Variants in NSL1 observed in about 807,000 individuals in gnomAD.
NSL1 encodes kinetochore-associated protein NSL1 homolog.
In NSL1, 11 loss-of-function variants were observed where a neutral mutation model predicts 25.4. The ratio of observed to expected loss-of-function variants is 0.43; its 90% CI spans 0.27 to 0.72. NSL1 has a LOEUF of 0.72. Ranked by LOEUF, NSL1 falls within the 30% of genes least tolerant of loss-of-function variation. NSL1 has a pLI of 0.19. For missense variants in NSL1, 330 were observed against 342.7 expected (o/e 0.96, Z 0.29); for synonymous variants, 118 against 120.6 (o/e 0.98, Z 0.14).
Position 212,769,306 on chromosome 1 carries a change from A to G in NSL1, c.499+13066T>C, listed in dbSNP as rs533047239. 1.8e-3 allele frequency among the ~76,000 whole-genome samples: 271 copies of G among 152,320 alleles called. 2 individuals are homozygous for G. Among genetic ancestry groups the G allele is most frequent in the African/African-American group, 5.9e-3 (244 of 41,564 alleles). Reference sequence around the variant, plus strand: ...ATTGAATCCCAAAAGGTCTTCACCAAGGCACATTATACTCAAACTATCAAA... The same window carrying G: ...ATTGAATCCCAAAAGGTCTTCACCAGGGCACATTATACTCAAACTATCAAA... On this transcript the variant is annotated intron_variant, in intron 4 of 5. Coordinates refer to ENST00000366977, the MANE Select transcript of NSL1 (RefSeq NM_015471.4).
rs777052581 is a variant in NSL1 at position 212,739,562 on chromosome 1, A to G, written c.539T>C (p.Val180Ala). The G allele has an allele frequency of 1.9e-6, 3 of 1,613,614 alleles. No homozygotes were observed. The highest frequency in any genetic ancestry group is 2.5e-6 in the Non-Finnish European group (3 of 1,179,716). The part of the protein sequence containing the change: ...MENLKCRGET[V>A]AKEISEAMKS... ...CATGGCTTCACTGATCTCCTTTGCT[A>G]CTGTTTCCCCTCTGCATTTCAAATT... Residue 180 changes from valine to alanine, a missense_variant, in exon 5 of 6, where the codon GTA (valine) becomes GCA (alanine). Physicochemically the swap from Val to Ala is moderately conservative, Grantham distance 64. Transcript: ENST00000366977.
At chr1:212,757,398 A>C (rs1659365184) in intron 4 of NSL1, among the ~76,000 whole-genome samples, 1 of 152,210 alleles carries the variant, frequency 6.6e-6, no homozygotes. Context: ...ACTGGATGGA[A>C]GGAGACCAGG....
rs1370070972 is a variant in NSL1 at position 212,738,096 on chromosome 1, A to G, written c.*312T>C. ...GAATTTGTTACTTGTTAAATCCCAC[A>G]AAAGCTACAAGGGAGCTGAGAGTTG... On this transcript the variant is annotated 3_prime_UTR_variant, in exon 6 of 6. Transcript: ENST00000366977. 1 of 1,034,884 alleles carries G rather than the reference A, an allele frequency of 9.7e-7. No individual in the cohort carries two copies. Among genetic ancestry groups the G allele is most frequent in the Non-Finnish European group, 1.2e-6 (1 of 862,294 alleles). 64.1% of individuals were successfully genotyped at this position (1,034,884 alleles called of 1,614,324 possible).
At chr1:212,763,550 T>G (rs1365721269) in intron 4 of NSL1, among the ~76,000 whole-genome samples, 1 of 152,004 alleles carries the variant, frequency 6.6e-6, no homozygotes, top group Admixed American at 6.5e-5. Context: ...TCACCTAACA[T>G]ATAAGGACTC....
At chr1:212,752,230 G>T in intron 4 of NSL1, among the ~76,000 whole-genome samples, 1 of 152,258 alleles carries the variant, frequency 6.6e-6, no homozygotes, top group African/African-American at 2.4e-5. Flanking sequence ...CCTGTAAAGG[G>T]TTGCCTAGAA....
At chr1:212,777,281 G>A (rs1458402821) in intron 4 of NSL1, among the ~76,000 whole-genome samples, 1 of 152,024 alleles carries the variant, frequency 6.6e-6, no homozygotes, top group Admixed American at 6.6e-5. Context: ...GGAGGTTGAG[G>A]CTGGAAGATC....
Position 212,730,785 on chromosome 1 carries a change from C to T in NSL1, c.*7623G>A, listed in dbSNP as rs1257914239. Reference sequence around the variant, plus strand: ...GACAGGAGACTCTGGAGTCCTAATTCAGGTCAGTTTCCCAGTGATCTGTCC... The same window carrying T: ...GACAGGAGACTCTGGAGTCCTAATTTAGGTCAGTTTCCCAGTGATCTGTCC... On this transcript the variant is annotated 3_prime_UTR_variant, in exon 6 of 6. Coordinates refer to ENST00000366977, the MANE Select transcript of NSL1 (RefSeq NM_015471.4). 2.0e-6 allele frequency: 2 copies of T among 985,402 alleles called. No individual in the cohort carries two copies. Among genetic ancestry groups the T allele is most frequent in the Non-Finnish European group, 2.4e-6 (2 of 829,940 alleles). 61.0% of individuals were successfully genotyped at this position (985,402 alleles called of 1,614,324 possible). A position where few individuals can be genotyped will look rare whatever the true frequency, so the allele number is the denominator to read the frequency against.
At chr1:212,754,764 T>G (rs1399018959) in intron 4 of NSL1, among the ~76,000 whole-genome samples, 1 of 20,536 alleles carries the variant, frequency 4.9e-5, no homozygotes, top group East Asian at 8.0e-4. Context: ...AGTAAAATTC[T>G]GTCTCAAAAA....
At position 212,752,602 on chromosome 1, in the gene NSL1, G is replaced by A. The variant is rs139741242; in HGVS notation, c.500-13001C>T. 2.0e-5 allele frequency among the ~76,000 whole-genome samples: 3 copies of A among 152,160 alleles called. No homozygotes were observed. The South Asian group carries it at 6.2e-4, about 32-fold the overall frequency. On this transcript the variant is annotated intron_variant, in intron 4 of 5. Coordinates refer to ENST00000366977, the MANE Select transcript of NSL1 (RefSeq NM_015471.4). ...TGGAAGCAATTATTCATTACAACAG[G>A]ATTATAAAAGGTTGTAAATGTCAAA...
intron 4 of NSL1, among the ~76,000 whole-genome samples, chr1:212,741,335 A>C (rs548157538): frequency 6.6e-6 from 1 of 152,204 alleles, no homozygotes; most frequent in Non-Finnish European, 1.5e-5. Flanking sequence ...TTTATGATGT[A>C]TCTTCCATGG....
Position 212,734,157 on chromosome 1 carries a change from C to G in NSL1, c.*4251G>C, listed in dbSNP as rs368181629. Among the ~76,000 whole-genome samples, 152 of 152,236 alleles carry G rather than the reference C, an allele frequency of 1.0e-3. 1 individual carries two copies. Among genetic ancestry groups the G allele is most frequent in the South Asian group, 9.9e-3 (48 of 4,826 alleles). Reference sequence around the variant, plus strand: ...TGATTTTCTCTTCTTTCTGGGAGTACAGTCATCATTCTGGGATTTTGCTTT... The same window carrying G: ...TGATTTTCTCTTCTTTCTGGGAGTAGAGTCATCATTCTGGGATTTTGCTTT... On this transcript the variant is annotated 3_prime_UTR_variant, in exon 6 of 6. Coordinates refer to ENST00000366977, the MANE Select transcript of NSL1 (RefSeq NM_015471.4).
chr1:212,774,971 G>A (rs1660289399), intron 4 of NSL1, among the ~76,000 whole-genome samples: 1 of 151,720 alleles, frequency 6.6e-6, no homozygotes, highest in African/African-American at 2.4e-5. Context: ...GTGACAAGAA[G>A]AAAAGTTTTT....
At chr1:212,751,946 T>C (rs1014008065) in intron 4 of NSL1, among the ~76,000 whole-genome samples, 4 of 152,188 alleles carry the variant, frequency 2.6e-5, no homozygotes, top group Admixed American at 6.6e-5. Flanking sequence ...GACTTAAGAC[T>C]GTCTCACATG....
Position 212,729,275 on chromosome 1 carries a change from C to T in NSL1, c.*9133G>A, listed in dbSNP as rs150850679. The T allele has an allele frequency of 2.0e-6, 2 of 985,434 alleles. No homozygotes were observed. Among genetic ancestry groups the T allele is most frequent in the African/African-American group, 3.5e-5 (2 of 57,370 alleles). 61.0% of individuals were successfully genotyped at this position (985,434 alleles called of 1,614,324 possible). On this transcript the variant is annotated 3_prime_UTR_variant, in exon 6 of 6. Transcript: ENST00000366977. ...CTCCTAGCCTCTCCCTCAGCTCCCT[C>T]TTTTCCCTCTAATGGATCCCTAGAT...
At chr1:212,783,813 C>T (rs1660823614) in intron 3 of NSL1, among the ~76,000 whole-genome samples, 1 of 152,102 alleles carries the variant, frequency 6.6e-6, no homozygotes, top group African/African-American at 2.4e-5. Context: ...TACGGCTCTG[C>T]TTGTCTAAAA....
intron 4 of NSL1, among the ~76,000 whole-genome samples, chr1:212,751,570 T>C (rs1184663690): frequency 6.6e-6 from 1 of 152,210 alleles, no homozygotes; most frequent in Non-Finnish European, 1.5e-5. Context: ...TTGTGCCTGG[T>C]AAAGAACTAA....
intron 4 of NSL1, among the ~76,000 whole-genome samples, chr1:212,767,089 A>G (rs1659855710): frequency 2.0e-5 from 3 of 152,182 alleles, no homozygotes; most frequent in South Asian, 4.1e-4. Flanking sequence ...TAGAAAAAAC[A>G]ATCCTAAAAT....
At chr1:212,755,752 T>C in intron 4 of NSL1, among the ~76,000 whole-genome samples, 1 of 151,780 alleles carries the variant, frequency 6.6e-6, no homozygotes, top group Middle Eastern at 3.4e-3. Context: ...TATGAATATG[T>C]ATATATTTTC....
In NSL1 at chr1:212,726,983, G is replaced by T. The variant is rs1031121177; in HGVS notation, c.*11425C>A. 5.7e-5 allele frequency: 44 copies of T among 774,748 alleles called. No homozygotes were observed. The Middle Eastern group carries it at 1.5e-3, about 27-fold the overall frequency. The allele number at this position is 774,748 out of a possible 1,614,324, so 48.0% of individuals were successfully genotyped here. On this transcript the variant is annotated 3_prime_UTR_variant, in exon 6 of 6. Transcript: ENST00000366977. The stretch of plus-strand genomic sequence containing the variant: ...GAGCACAGGGAGAGTGTGCTTCCTG[G>T]CTGTGTCCTCTCAGAGGCCCTCCAG...
Sources: allele counts gnomAD v4.1 joint callset (sites outside exome capture counted in the v4.1 genomes callset), GRCh38; gene constraint gnomAD v4.1.1; transcripts MANE v1.5; gene names NCBI Gene and HGNC (gene_info 2026-07-23, HGNC 2026-07-21).